Variants in CATSPERD observed in about 807,000 individuals in gnomAD.
The protein encoded by CATSPERD is cation channel sperm-associated auxiliary subunit delta.
Under a neutral mutation model 98.1 loss-of-function variants are expected in CATSPERD, and 86 were observed. The observed-to-expected ratio is 0.88, with a 90% CI of 0.74 to 1.05. The LOEUF is 1.05. Ranked by LOEUF, CATSPERD falls within the 50% of genes least tolerant of loss-of-function variation. CATSPERD has a pLI of 0.00. For missense variants in CATSPERD, 995 were observed against 1,005.7 expected, an observed-to-expected ratio of 0.99 and a Z score of 0.14; for synonymous variants, 394 against 390.2, an observed-to-expected ratio of 1.01 and a Z score of -0.12.
chr19:5,742,315 T>G (rs10561032), intron 7 of CATSPERD, among the ~76,000 whole-genome samples: 19,251 of 138,534 alleles, frequency 0.14, 2,399 homozygotes, highest in East Asian at 0.61. Context: ...AATGTGTGTG[T>G]GGGTGTGCGT....
intron 12 of CATSPERD, 97 bp downstream of exon 12, chr19:5,751,920 C>T: frequency 1.7e-6 from 2 of 1,175,122 alleles, no homozygotes; most frequent in Non-Finnish European, 2.3e-6. Flanking sequence ...CCCAGTTGCT[C>T]AGGAGGCTGA....
chr19:5,778,485 T>C lies in CATSPERD; in HGVS notation c.2206T>C (p.Ser736Pro). The C allele has an allele frequency of 1.9e-6, 3 of 1,613,900 alleles. No individual in the cohort carries two copies. The highest frequency in any genetic ancestry group is 2.5e-6 in the Non-Finnish European group (3 of 1,180,016). Reference protein sequence around the residue: ...ILLIISSILGSVWLAYKTPKL... With the variant: ...ILLIISSILGPVWLAYKTPKL... The stretch of plus-strand genomic sequence containing the variant: ...ACTGATCATCTCCAGCATCCTGGGG[T>C]CCGTTTGGCTGGCCTACAAGACCCC... The change falls in exon 22 of 22, where the codon TCC (serine) becomes CCC (proline). Residue 736 changes from serine (S) to proline (P), a missense_variant. Coordinates refer to ENST00000381624, the MANE Select transcript of CATSPERD (RefSeq NM_152784.4).
rs540657888 is a variant in CATSPERD at position 5,733,721 on chromosome 19, G to T, written c.277-135G>T. ...TCTACCCGCCTTGGCCTCCCAAAGT[G>T]CTGGGATTACAAGCGAGGGCCACCG... On this transcript the variant is annotated intron_variant, in intron 4 of 21. Coordinates refer to ENST00000381624, the MANE Select transcript of CATSPERD (RefSeq NM_152784.4). 8.0e-6 allele frequency: 5 copies of T among 628,452 alleles called. No homozygotes were observed. In the East Asian group the frequency reaches 1.2e-4, roughly 15 times the overall value. 38.9% of individuals were successfully genotyped at this position (628,452 alleles called of 1,614,324 possible).
At chr19:5,746,842 T>C (rs1399040221) in intron 9 of CATSPERD, among the ~76,000 whole-genome samples, 1 of 151,790 alleles carries the variant, frequency 6.6e-6, no homozygotes, top group Non-Finnish European at 1.5e-5. Flanking sequence ...TCTCACTCTG[T>C]GGAGGCGGAA....
At chr19:5,737,044 A>G in intron 5 of CATSPERD, 94 bp from the exon 6 acceptor site, 1 of 729,226 alleles carries the variant, frequency 1.4e-6, no homozygotes, top group Non-Finnish European at 2.3e-6. Context: ...GCGACAGAGC[A>G]AGACTCTGTC....
intron 12 of CATSPERD, among the ~76,000 whole-genome samples, chr19:5,752,265 C>T (rs2056235634): frequency 6.6e-6 from 1 of 152,014 alleles, no homozygotes; most frequent in African/African-American, 2.4e-5. Flanking sequence ...GCCGAGATCA[C>T]ACCACTGCAC....
intron 17 of CATSPERD, 130 bp downstream of exon 17, chr19:5,766,285 T>G: frequency 3.1e-6 from 1 of 321,056 alleles, no homozygotes; most frequent in East Asian, 5.1e-5. Context: ...ACCCCGTCTC[T>G]ACTGAAAAAA....
At chr19:5,758,967 G>A (rs1366033997) in intron 14 of CATSPERD, 119 bp from the exon 15 acceptor site, 4 of 792,194 alleles carry the variant, frequency 5.0e-6, no homozygotes, top group Non-Finnish European at 4.4e-6. Flanking sequence ...GGGGCTAAGC[G>A]GCTTCCAGGT....
intron 12 of CATSPERD, 146 bp downstream of exon 12, chr19:5,751,969 C>A: frequency 2.7e-6 from 2 of 749,920 alleles, no homozygotes; most frequent in Non-Finnish European, 4.0e-6. Flanking sequence ...TCAAGACCAG[C>A]CTGGGCAACA....
intron 20 of CATSPERD, among the ~76,000 whole-genome samples, chr19:5,774,288 G>A (rs1405642495): frequency 6.6e-6 from 1 of 151,908 alleles, no homozygotes; most frequent in Non-Finnish European, 1.5e-5. Flanking sequence ...ATTTCTATAT[G>A]CATTCTTCAT....
chr19:5,747,235 C>T (rs2145762111), intron 9 of CATSPERD, among the ~76,000 whole-genome samples: 1 of 142,976 alleles, frequency 7.0e-6, no homozygotes, highest in South Asian at 2.2e-4. Context: ...TGCAATGGTG[C>T]AATCGTGGCT....
chr19:5,727,857 C>T (rs2055635128), intron 3 of CATSPERD, among the ~76,000 whole-genome samples: 1 of 151,892 alleles, frequency 6.6e-6, no homozygotes, highest in Admixed American at 6.6e-5. Context: ...GGCTGCATGA[C>T]TCCTGTTTGT....
intron 13 of CATSPERD, among the ~76,000 whole-genome samples, chr19:5,757,531 AGGTG>A (rs1300216029): frequency 1.3e-5 from 2 of 151,298 alleles, no homozygotes; most frequent in Non-Finnish European, 2.9e-5. Context: ...TCCCGACCTC[AGGTG>A]ATCCACCTGC....
At chr19:5,777,412 C>T (rs1349899423) in intron 21 of CATSPERD, among the ~76,000 whole-genome samples, 1 of 152,176 alleles carries the variant, frequency 6.6e-6, no homozygotes, top group Non-Finnish European at 1.5e-5. Flanking sequence ...TGTGACACCC[C>T]TGAACCTTTC....
intron 20 of CATSPERD, among the ~76,000 whole-genome samples, chr19:5,774,257 C>T (rs1323890700): frequency 3.3e-5 from 5 of 151,840 alleles, no homozygotes; most frequent in African/African-American, 9.7e-5. Flanking sequence ...TGAGCCACTG[C>T]GCCCGGTCGG....
chr19:5,736,910 A>T (rs538681809), intron 5 of CATSPERD, among the ~76,000 whole-genome samples: 4 of 151,854 alleles, frequency 2.6e-5, no homozygotes, highest in Non-Finnish European at 5.9e-5. Flanking sequence ...ACAAAAAATT[A>T]GCCGGGCGTG....
intron 15 of CATSPERD, among the ~76,000 whole-genome samples, chr19:5,762,056 A>ATTTTTTTTT (rs1302276239): frequency 6.9e-5 from 1 of 14,476 alleles, no homozygotes; most frequent in African/African-American, 2.2e-4. Flanking sequence ...ATATATATAT[A>ATTTTTTTTT]TATTTTTTTT....
chr19:5,774,645 C>T (rs550128997), intron 20 of CATSPERD, among the ~76,000 whole-genome samples: 4 of 152,206 alleles, frequency 2.6e-5, no homozygotes, highest in South Asian at 4.1e-4. Flanking sequence ...GCCGAAACTG[C>T]ACCACTGCAC....
At chr19:5,738,559 T>A (rs1790555512) in intron 6 of CATSPERD, among the ~76,000 whole-genome samples, 2 of 151,912 alleles carry the variant, frequency 1.3e-5, no homozygotes, top group Admixed American at 1.3e-4. Flanking sequence ...AAAACAAACT[T>A]AATTACTAAT....
Sources: gnomAD v4.1 joint callset for allele counts (sites outside exome capture counted in the v4.1 genomes callset) on GRCh38, gnomAD v4.1.1 for gene constraint, MANE v1.5 for transcripts, NCBI Gene and HGNC (gene_info 2026-07-23, HGNC 2026-07-21) for gene names.